ROBO1: variants seen among roughly 807,000 people sequenced by gnomAD.
ROBO1 encodes the protein roundabout guidance receptor 1, also known as roundabout homolog 1.
ROBO1 carries 149 observed loss-of-function variants against 195.9 expected under a neutral mutation model. That is an observed-to-expected ratio of 0.76 (90% confidence interval 0.67 to 0.87). The LOEUF (loss-of-function observed/expected upper bound fraction) is 0.87. Among genes scored for constraint, ROBO1 ranks in the 40% least tolerant of loss-of-function variants. The pLI is 0.00. For missense variants in ROBO1, 1,933 were observed against 2,068.3 expected (o/e 0.93, Z 1.27); for synonymous variants, 816 against 733.2 (o/e 1.11, Z -1.82).
chr3:78,901,245 C>G (rs1333238005), intron 4 of ROBO1, among the ~76,000 whole-genome samples: 4 of 152,142 alleles, frequency 2.6e-5, no homozygotes, highest in Non-Finnish European at 5.9e-5. Context: ...CCATGACAAT[C>G]AAGAACACAG....
chr3:79,584,723 G>T (rs1472197046), intron 2 of ROBO1, among the ~76,000 whole-genome samples: 1 of 150,556 alleles, frequency 6.6e-6, no homozygotes, highest in Admixed American at 6.7e-5. Context: ...TGTGGGGAAT[G>T]TGATTAGAGA....
intron 2 of ROBO1, among the ~76,000 whole-genome samples, chr3:79,168,350 C>T (rs931698634): frequency 3.3e-5 from 5 of 151,776 alleles, no homozygotes; most frequent in African/African-American, 1.2e-4. Flanking sequence ...TCCAGAAATC[C>T]TTAAGAGAGT....
chr3:79,430,770 T>A (rs954293836), intron 2 of ROBO1, among the ~76,000 whole-genome samples: 1 of 152,130 alleles, frequency 6.6e-6, no homozygotes, highest in Non-Finnish European at 1.5e-5. Context: ...TGCAACTGAA[T>A]GAGAAAAGCT....
chr3:78,807,390 A>G (rs1365577413), intron 4 of ROBO1, among the ~76,000 whole-genome samples: 1 of 152,218 alleles, frequency 6.6e-6, no homozygotes, highest in African/African-American at 2.4e-5. Context: ...AAAAAGTTAT[A>G]GATGATGAGG....
intron 4 of ROBO1, among the ~76,000 whole-genome samples, chr3:78,847,846 A>G (rs1203596736): frequency 9.2e-5 from 14 of 152,214 alleles, no homozygotes; most frequent in Non-Finnish European, 2.9e-5. Context: ...TCAGGCTTTC[A>G]GGTAAAGTGA....
At chr3:78,855,980 G>C (rs2034392237) in intron 4 of ROBO1, among the ~76,000 whole-genome samples, 1 of 150,566 alleles carries the variant, frequency 6.6e-6, no homozygotes, top group Non-Finnish European at 1.5e-5. Flanking sequence ...ACTAAGAAGA[G>C]AAAAATTTAA....
Position 78,959,093 on chromosome 3 carries a change from T to G in ROBO1, c.173-20166A>C, listed in dbSNP as rs190826339. On this transcript the variant is annotated intron_variant, in intron 3 of 30. Transcript: ENST00000464233. ...GGTGGGAATACAGGCATGAGCACTGTACCGGCCCACCCTTTCTTCTTAATA... is the reference window on the plus strand; with the variant it reads ...GGTGGGAATACAGGCATGAGCACTGGACCGGCCCACCCTTTCTTCTTAATA... Among the ~76,000 whole-genome samples the G allele has an allele frequency of 3.0e-4, 45 of 152,202 alleles. No homozygotes were observed. In the East Asian group the frequency reaches 7.0e-3, roughly 24 times the overall value.
intron 2 of ROBO1, among the ~76,000 whole-genome samples, chr3:79,497,507 A>G (rs552382663): frequency 1.1e-4 from 16 of 152,340 alleles, no homozygotes; most frequent in Non-Finnish European, 1.8e-4. Flanking sequence ...AACATTCACA[A>G]TATTATCTTT....
chr3:79,361,471 A>G (rs1025057974), intron 2 of ROBO1, among the ~76,000 whole-genome samples: 7 of 152,058 alleles, frequency 4.6e-5, no homozygotes, highest in Admixed American at 3.9e-4. Flanking sequence ...AAACAACTTA[A>G]TATTTTAAGC....
chr3:78,601,168 C>T (rs2107229766), intron 29 of ROBO1, among the ~76,000 whole-genome samples: 1 of 152,312 alleles, frequency 6.6e-6, no homozygotes, highest in Middle Eastern at 3.4e-3. Context: ...CCACCTCCCC[C>T]AAATGCTTCC....
intron 11 of ROBO1, among the ~76,000 whole-genome samples, chr3:78,669,518 A>C (rs1282221772): frequency 6.6e-6 from 1 of 152,216 alleles, no homozygotes; most frequent in Non-Finnish European, 1.5e-5. Flanking sequence ...AAAACAATAA[A>C]GTCCTGAAAG....
At chr3:79,323,615 T>C (rs1456079310) in intron 2 of ROBO1, among the ~76,000 whole-genome samples, 1 of 152,198 alleles carries the variant, frequency 6.6e-6, no homozygotes, top group Non-Finnish European at 1.5e-5. Context: ...CATAGTATCA[T>C]ACATAAGATT....
intron 4 of ROBO1, among the ~76,000 whole-genome samples, chr3:78,913,997 G>GAACAA (rs1448622120): frequency 6.6e-6 from 1 of 152,138 alleles, no homozygotes; most frequent in Non-Finnish European, 1.5e-5. Context: ...ATCAAAGTAT[G>GAACAA]AGGACAAGGG....
chr3:79,631,563 G>C (rs894833213), intron 1 of ROBO1, among the ~76,000 whole-genome samples: 1 of 151,896 alleles, frequency 6.6e-6, no homozygotes, highest in African/African-American at 2.4e-5. Context: ...AACTCTTCTG[G>C]ACATGGACCC....
At chr3:79,057,902 C>A (rs998324809) in intron 3 of ROBO1, among the ~76,000 whole-genome samples, 2 of 152,040 alleles carry the variant, frequency 1.3e-5, no homozygotes, top group Non-Finnish European at 2.9e-5. Flanking sequence ...GAAGGCCCTG[C>A]ATTTAATGTT....
intron 2 of ROBO1, among the ~76,000 whole-genome samples, chr3:79,409,830 C>T (rs2037694472): frequency 6.6e-6 from 1 of 152,132 alleles, no homozygotes; most frequent in African/African-American, 2.4e-5. Context: ...CATTTAAAAA[C>T]ATAAAATTGA....
intron 2 of ROBO1, among the ~76,000 whole-genome samples, chr3:79,477,161 C>T (rs1173335908): frequency 6.6e-6 from 1 of 151,988 alleles, no homozygotes; most frequent in African/African-American, 2.4e-5. Context: ...TATTGTTATG[C>T]TCATAATTGG....
At chr3:78,787,327 G>A (rs956143745) in intron 4 of ROBO1, among the ~76,000 whole-genome samples, 2 of 152,138 alleles carry the variant, frequency 1.3e-5, no homozygotes, top group African/African-American at 4.8e-5. Context: ...TGATGTTATA[G>A]TATTTATGTG....
intron 10 of ROBO1, among the ~76,000 whole-genome samples, chr3:78,682,653 C>G (rs897266116): frequency 6.9e-6 from 1 of 145,920 alleles, no homozygotes; most frequent in Admixed American, 6.9e-5. Flanking sequence ...TTTAATGTGA[C>G]TGTGTATATA....
Sources: gnomAD v4.1 joint callset for allele counts (sites outside exome capture counted in the v4.1 genomes callset) on GRCh38, gnomAD v4.1.1 for gene constraint, MANE v1.5 for transcripts, NCBI Gene and HGNC (gene_info 2026-07-23, HGNC 2026-07-21) for gene names.